Variants in UNC13B observed in about 807,000 individuals in gnomAD.
The protein encoded by UNC13B is unc-13 homolog B.
A neutral mutation model predicts 211.0 loss-of-function variants in UNC13B; 144 were observed. The ratio of observed to expected loss-of-function variants is 0.68; its 90% confidence interval spans 0.60 to 0.78. UNC13B has a LOEUF of 0.78. UNC13B is among the 30% of genes least tolerant of loss of function. The pLI, the probability that UNC13B is intolerant of heterozygous loss-of-function variation, is 0.00. For missense variants in UNC13B, 1,777 were observed against 2,002.0 expected (o/e 0.89, Z 2.14); for synonymous variants, 709 against 725.8 (o/e 0.98, Z 0.37).
chr9:35,349,277 GC>G (rs1363964556), intron 11 of UNC13B, among the ~76,000 whole-genome samples: 2 of 149,288 alleles, frequency 1.3e-5, no homozygotes, highest in African/African-American at 5.0e-5. Flanking sequence ...CCCTTGTAAA[GC>G]CAGGAACATT....
chr9:35,294,992 A>G (rs1829281271), intron 7 of UNC13B, among the ~76,000 whole-genome samples: 1 of 152,214 alleles, frequency 6.6e-6, no homozygotes, highest in Admixed American at 6.5e-5. Flanking sequence ...TTGGCAGTGC[A>G]TAAGTTTTTT....
At chr9:35,172,092 C>G (rs1821363016) in intron 1 of UNC13B, among the ~76,000 whole-genome samples, 1 of 151,278 alleles carries the variant, frequency 6.6e-6, no homozygotes, top group Non-Finnish European at 1.5e-5. Flanking sequence ...GGTCTCAGGT[C>G]TCAAACTCCT....
intron 4 of UNC13B, 57 bp from the exon 5 acceptor site, chr9:35,237,646 T>A: frequency 6.3e-7 from 1 of 1,592,028 alleles, no homozygotes. Context: ...ACCTGACTCT[T>A]GAACTAAGAG....
At chr9:35,238,415 G>C (rs1825629622) in intron 5 of UNC13B, among the ~76,000 whole-genome samples, 1 of 152,058 alleles carries the variant, frequency 6.6e-6, no homozygotes, top group Non-Finnish European at 1.5e-5. Context: ...GCAAAATTTG[G>C]ATCATACCCT....
intron 12 of UNC13B, among the ~76,000 whole-genome samples, chr9:35,368,119 T>C (rs1300739244): frequency 6.6e-6 from 1 of 152,210 alleles, no homozygotes; most frequent in Non-Finnish European, 1.5e-5. Context: ...TGTTATATAG[T>C]TAAACTCGTG....
intron 37 of UNC13B, among the ~76,000 whole-genome samples, chr9:35,402,573 C>T (rs1836393456): frequency 6.6e-6 from 1 of 152,100 alleles, no homozygotes; most frequent in Admixed American, 6.5e-5. Context: ...TGAGCCACTG[C>T]ACCTGGCCAG....
At chr9:35,196,558 C>T (rs1163769260) in intron 1 of UNC13B, among the ~76,000 whole-genome samples, 1 of 152,126 alleles carries the variant, frequency 6.6e-6, no homozygotes, top group Non-Finnish European at 1.5e-5. Flanking sequence ...GGATGCTCTG[C>T]CCAGGCATTT....
chr9:35,353,238 A>G, intron 11 of UNC13B: 1 of 1,232,260 alleles, frequency 8.1e-7, no homozygotes, highest in Non-Finnish European at 1.0e-6. Context: ...GGCTCTCAGG[A>G]GGATGAGGAT....
intron 1 of UNC13B, among the ~76,000 whole-genome samples, chr9:35,163,819 A>G (rs1352296852): frequency 1.3e-5 from 2 of 152,122 alleles, no homozygotes; most frequent in Non-Finnish European, 2.9e-5. Context: ...TTCCTTTTTA[A>G]TGTTACTTTA....
Position 35,300,365 on chromosome 9 carries a change from C to A in UNC13B, c.961C>A (p.Pro321Thr), listed in dbSNP as rs752565163. ...KQNMGYPVLYPYKNGFVVKSG... is the reference protein window; with the variant it reads ...KQNMGYPVLYTYKNGFVVKSG... ...AAATATGGGGTACCCAGTTTTGTAC[C>A]CCTACAAAAATGGATTTGTGGTTAA... Residue 321 changes from proline to threonine, a missense_variant, in exon 9 of 40, where the codon CCC becomes ACC. By Grantham distance (38) the Pro-to-Thr change is conservative. Transcript: ENST00000635942. 3 of 398,728 alleles carry A rather than the reference C, an allele frequency of 7.5e-6. No individual in the cohort carries two copies. Among genetic ancestry groups the A allele is most frequent in the Admixed American group, 4.4e-5 (1 of 22,686 alleles). 24.7% of individuals were successfully genotyped at this position (398,728 alleles called of 1,614,324 possible). A position where few individuals can be genotyped will look rare whatever the true frequency, so the allele number is the denominator to read the frequency against.
In UNC13B at chr9:35,301,552, T is replaced by C; in HGVS notation, c.2148T>C (p.Thr716=). The change falls in exon 9 of 40, where the codon ACT becomes ACC. Residue 716 remains threonine (T), a synonymous_variant. Transcript: ENST00000635942. ...CTTTAAATGGGAGTGATGAAGAAAC[T>C]ACGGGCTGGTTCCAGATGCCCACAA... ...IIALNGSDEE[T]TGWFQMPTSE... 2.5e-6 allele frequency: 1 copy of C among 398,862 alleles called. No individual in the cohort carries two copies. Among genetic ancestry groups the C allele is most frequent in the Non-Finnish European group, 4.4e-6 (1 of 225,956 alleles). 24.7% of individuals were successfully genotyped at this position (398,862 alleles called of 1,614,324 possible).
intron 11 of UNC13B, chr9:35,352,908 A>G (rs1171597356): frequency 1.4e-5 from 17 of 1,232,092 alleles, no homozygotes; most frequent in Non-Finnish European, 1.6e-5. Context: ...GGAAAACCAG[A>G]AAATGACTGC....
Position 35,304,134 on chromosome 9 carries a change from C to G in UNC13B, c.4730C>G (p.Thr1577Arg), listed in dbSNP as rs145523530. ...DLQTNGLSSI[T>R]LDDSIISACS... Reference sequence around the variant, plus strand: ...CAGACAAATGGTCTATCAAGTATTACGTTGGATGACAGCATTATTTCTGCC... The same window carrying G: ...CAGACAAATGGTCTATCAAGTATTAGGTTGGATGACAGCATTATTTCTGCC... The change falls in exon 9 of 40, where the codon ACG becomes AGG. Residue 1577 changes from threonine to arginine, a missense_variant. Thr to Arg is a moderately conservative substitution (Grantham distance 71). Coordinates refer to ENST00000635942, the MANE Select transcript of UNC13B (RefSeq NM_001371189.2). The G allele has an allele frequency of 2.5e-6, 1 of 398,568 alleles. No individual in the cohort carries two copies. The highest frequency in any genetic ancestry group is 4.4e-5 in the Admixed American group (1 of 22,696). The allele number at this position is 398,568 out of a possible 1,614,324, so 24.7% of individuals were successfully genotyped here.
At chr9:35,260,157 C>G (rs1055571462) in intron 7 of UNC13B, among the ~76,000 whole-genome samples, 4 of 150,734 alleles carry the variant, frequency 2.7e-5, no homozygotes, top group African/African-American at 9.8e-5. Flanking sequence ...CTGTAGTGAG[C>G]TATGATTGTG....
rs185759905 is a variant in UNC13B, at chr9:35,368,098, A to G, written c.9461+1105A>G. On this transcript the variant is annotated intron_variant, in intron 12 of 39. Transcript: ENST00000635942. ...ACTTTTGTTTTAGGTTCAGGGGTAC[A>G]TGTGCAGGTTTGTTATATAGTTAAA... Among the ~76,000 whole-genome samples, 67 of 152,274 alleles carry G rather than the reference A, an allele frequency of 4.4e-4. 1 individual carries two copies. The highest frequency in any genetic ancestry group is 1.6e-3 in the African/African-American group (66 of 41,548).
intron 7 of UNC13B, among the ~76,000 whole-genome samples, chr9:35,294,886 G>C (rs1332429897): frequency 6.6e-6 from 1 of 152,204 alleles, no homozygotes; most frequent in African/African-American, 2.4e-5. Context: ...CAAAAAAACT[G>C]TAGCCAGTCA....
chr9:35,310,675 GAGA>G lies in UNC13B; in HGVS notation c.9220_9222del (p.Lys3074del). The G allele has an allele frequency of 6.2e-7, 1 of 1,613,958 alleles. No homozygotes were observed. Among genetic ancestry groups the G allele is most frequent in the Non-Finnish European group, 8.5e-7 (1 of 1,179,990 alleles). On this transcript the variant is annotated inframe_deletion, in exon 10 of 40. Transcript: ENST00000635942. The stretch of plus-strand genomic sequence containing the variant: ...ACCCTTGGAGGTGACAGGTCAAGCA[GAGA>G]AGGAGGCAGCATGTGAACCCAAGGA...
intron 5 of UNC13B, among the ~76,000 whole-genome samples, chr9:35,239,815 A>T (rs531171168): frequency 6.6e-6 from 1 of 152,346 alleles, no homozygotes; most frequent in South Asian, 2.1e-4. Context: ...AAAGAAGAGA[A>T]ATATGGCTCT....
chr9:35,234,432 C>A (rs563758596), intron 3 of UNC13B, among the ~76,000 whole-genome samples: 1 of 152,266 alleles, frequency 6.6e-6, no homozygotes, highest in East Asian at 1.9e-4. Flanking sequence ...AGCAATTTTT[C>A]GATTCCATAT....
Sources: allele counts gnomAD v4.1 joint callset (sites outside exome capture counted in the v4.1 genomes callset), GRCh38; gene constraint gnomAD v4.1.1; transcripts MANE v1.5; gene names NCBI Gene and HGNC (gene_info 2026-07-23, HGNC 2026-07-21).